CNTNAP3B: variants seen among roughly 807,000 people sequenced by gnomAD.
CNTNAP3B encodes the protein contactin associated protein family member 3B.
A neutral mutation model predicts 108.9 loss-of-function variants in CNTNAP3B; 25 were observed. That is an observed-to-expected ratio of 0.23 (90% confidence interval 0.17 to 0.32). The LOEUF (loss-of-function observed/expected upper bound fraction) is 0.32. Among genes scored for constraint, CNTNAP3B ranks in the 10% least tolerant of loss-of-function variants. CNTNAP3B has a pLI of 1.00. For missense variants in CNTNAP3B, 252 were observed against 1,210.4 expected (o/e 0.21, Z 11.75); for synonymous variants, 103 against 473.4 (o/e 0.22, Z 10.16).
At chr9:41,950,760 T>C (rs1587135985) in intron 13 of CNTNAP3B, among the ~76,000 whole-genome samples, 2 of 133,746 alleles carry the variant, frequency 1.5e-5, no homozygotes, top group South Asian at 2.3e-4. Flanking sequence ...TTTTTTTTTT[T>C]TTTTTTTTTT....
rs1055098861 is a variant in CNTNAP3B, at chr9:42,097,847, A to G, written c.196+6782T>C. Among the ~76,000 whole-genome samples, 3 of 137,762 alleles carry G rather than the reference A, an allele frequency of 2.2e-5. 1 individual carries two copies. The highest frequency in any genetic ancestry group is 4.6e-5 in the Non-Finnish European group (3 of 64,568). 90.4% of individuals were successfully genotyped at this position (137,762 alleles called of 152,430 possible). On this transcript the variant is annotated intron_variant, in intron 2 of 23. Transcript: ENST00000377561. ...ATAGCACTTTAAAGAACATTAACTG[A>G]GGACTTTGCTAAGCATTTATTTAAT... is the stretch of plus-strand genomic sequence containing the variant.
In CNTNAP3B at chr9:42,115,246, A is replaced by T. The variant is rs1461123883; in HGVS notation, c.86-10507T>A. Among the ~76,000 whole-genome samples the T allele has an allele frequency of 1.5e-5, 2 of 136,614 alleles. 1 individual carries two copies. Among genetic ancestry groups the T allele is most frequent in the African/African-American group, 5.9e-5 (2 of 34,116 alleles). The allele number at this position is 136,614 out of a possible 152,430, so 89.6% of individuals were successfully genotyped here. A position where few individuals can be genotyped will look rare whatever the true frequency, so the allele number is the denominator to read the frequency against. ...TGACAAAGCTCATAAGGCTAAGAAAATAGACAGGTCCGGATCCAAGATGGT... is the reference window on the plus strand; with the variant it reads ...TGACAAAGCTCATAAGGCTAAGAAATTAGACAGGTCCGGATCCAAGATGGT... On this transcript the variant is annotated intron_variant, in intron 1 of 23. Coordinates refer to ENST00000377561, the MANE Select transcript of CNTNAP3B (RefSeq NM_001201380.3).
At chr9:41,966,515 T>G (rs1230761647) in intron 10 of CNTNAP3B, among the ~76,000 whole-genome samples, 10 of 152,248 alleles carry the variant, frequency 6.6e-5, no homozygotes, top group Non-Finnish European at 1.5e-4. Flanking sequence ...GTCAGCAGCC[T>G]GGTCAGCACA....
In CNTNAP3B at chr9:41,995,507, G is replaced by A. The variant is rs1825878955; in HGVS notation, c.1071+698C>T. 1.5e-5 allele frequency among the ~76,000 whole-genome samples: 2 copies of A among 135,054 alleles called. 1 individual carries two copies. The highest frequency in any genetic ancestry group is 4.5e-4 in the East Asian group (2 of 4,468). 88.6% of individuals were successfully genotyped at this position (135,054 alleles called of 152,430 possible). On this transcript the variant is annotated intron_variant, in intron 7 of 23. Transcript: ENST00000377561. ...TCCTATCACTTTGGGAGGCCAAGGT[G>A]GGCAGATCACGAGGTTGGGAAATCG...
chr9:41,986,286 C>T lies in CNTNAP3B; in HGVS notation c.1359G>A (p.Trp453Ter), dbSNP rs750774475. 7 of 1,095,512 alleles carry T rather than the reference C, an allele frequency of 6.4e-6. 3 individuals are homozygous for T. In the African/African-American group the frequency reaches 8.3e-5, roughly 13 times the overall value. The allele number at this position is 1,095,512 out of a possible 1,614,324, so 67.9% of individuals were successfully genotyped here. A position where few individuals can be genotyped will look rare whatever the true frequency, so the allele number is the denominator to read the frequency against. The change falls in exon 9 of 24, where the codon TGG (tryptophan) becomes TGA (stop). Residue 453 changes from tryptophan to a stop codon, truncating the protein, a stop_gained. Coordinates refer to ENST00000377561, the MANE Select transcript of CNTNAP3B (RefSeq NM_001201380.3). LOFTEE classifies it high-confidence loss of function. ...ACTTGGCAGAGAAGGATACAGAGTG[C>T]CACTGCCCATCGTTTAATCCAGCAC... Reference protein sequence around the residue: ...TAGAGLNDGQWHSVSFSAKWS... With the variant: ...TAGAGLNDGQ
At chr9:41,995,755 G>GC (rs1469101266) in intron 7 of CNTNAP3B, among the ~76,000 whole-genome samples, 5 of 129,834 alleles carry the variant, frequency 3.9e-5, no homozygotes, top group South Asian at 2.5e-4. Context: ...AAAAAAATTG[G>GC]CCAGGCCCGG....
At position 41,953,120 on chromosome 9, in the gene CNTNAP3B, T is replaced by G. The variant is rs1317832069; in HGVS notation, c.2080+63A>C. The G allele has an allele frequency of 2.8e-6, 4 of 1,439,708 alleles. No homozygotes were observed. In the African/African-American group the frequency reaches 4.5e-5, roughly 16 times the overall value. 89.2% of individuals were successfully genotyped at this position (1,439,708 alleles called of 1,614,324 possible). ...TGGCCTTTTCTCCCTCAAAGGCATCTCGCAGCCCGAGGGCCGCGCCCCGGC... is the reference window on the plus strand; with the variant it reads ...TGGCCTTTTCTCCCTCAAAGGCATCGCGCAGCCCGAGGGCCGCGCCCCGGC... On this transcript the variant is annotated intron_variant, in intron 13 of 23. Transcript: ENST00000377561.
intron 3 of CNTNAP3B, among the ~76,000 whole-genome samples, chr9:42,036,123 T>C (rs569047292): frequency 7.3e-4 from 110 of 149,902 alleles, no homozygotes; most frequent in Non-Finnish European, 9.9e-4. Context: ...ACAAAACAAA[T>C]GAAAACTCCT....
chr9:41,997,399 T>A (rs1265788213), intron 6 of CNTNAP3B, among the ~76,000 whole-genome samples, 169 bp downstream of exon 6: 1 of 152,190 alleles, frequency 6.6e-6, no homozygotes, highest in Non-Finnish European at 1.5e-5. Flanking sequence ...AGATGATCTA[T>A]TATAATAAAC....
chr9:42,044,279 T>C (rs1185172070), intron 3 of CNTNAP3B, among the ~76,000 whole-genome samples: 2 of 151,446 alleles, frequency 1.3e-5, no homozygotes, highest in Non-Finnish European at 2.9e-5. Context: ...TGTGTATGTA[T>C]AAGAAAAAAA....
chr9:41,951,864 G>A (rs1368918517), intron 13 of CNTNAP3B, among the ~76,000 whole-genome samples: 3 of 152,232 alleles, frequency 2.0e-5, no homozygotes, highest in Non-Finnish European at 2.9e-5. Context: ...ATCACCTGAG[G>A]TCAGGAGTTC....
intron 1 of CNTNAP3B, among the ~76,000 whole-genome samples, chr9:42,116,007 G>A (rs1828307595): frequency 7.2e-6 from 1 of 138,810 alleles, no homozygotes; most frequent in South Asian, 2.3e-4. Context: ...AGAATAAACA[G>A]CGTAGAGAAG....
At position 42,034,182 on chromosome 9, in the gene CNTNAP3B, ATATG is replaced by A. The variant is rs1433575393; in HGVS notation, c.391-20661_391-20658del. 8.1e-5 allele frequency among the ~76,000 whole-genome samples: 5 copies of A among 61,950 alleles called. 1 individual carries two copies. The highest frequency in any genetic ancestry group is 3.2e-4 in the Admixed American group (2 of 6,190). 40.6% of individuals were successfully genotyped at this position (61,950 alleles called of 152,430 possible). ...TATTTATCTATATGTATGTATGTAT[ATATG>A]TATCTATCTATCTATCTATCTATCT... On this transcript the variant is annotated intron_variant, in intron 3 of 23. Transcript: ENST00000377561.
At position 42,087,419 on chromosome 9, in the gene CNTNAP3B, C is replaced by T; in HGVS notation, c.197-10357G>A. On this transcript the variant is annotated intron_variant, in intron 2 of 23. Transcript: ENST00000377561. ...AGAGGTGAGGTTACATTTTCTTCCA[C>T]ACAAAGAGCCTTCTCACTTACTACT... Among the ~76,000 whole-genome samples, 4 of 123,628 alleles carry T rather than the reference C, an allele frequency of 3.2e-5. 1 individual carries two copies. In the Admixed American group the frequency reaches 3.3e-4, roughly 10 times the overall value. 81.1% of individuals were successfully genotyped at this position (123,628 alleles called of 152,430 possible). A position where few individuals can be genotyped will look rare whatever the true frequency, so the allele number is the denominator to read the frequency against.
intron 3 of CNTNAP3B, among the ~76,000 whole-genome samples, chr9:42,043,172 C>CCT (rs199989074): frequency 3.4e-4 from 28 of 82,532 alleles, no homozygotes; most frequent in African/African-American, 1.2e-3. Context: ...TTCTTTTATT[C>CCT]TTTTTTTTTT....
chr9:42,035,431 CCTAA>C (rs1826603829), intron 3 of CNTNAP3B, among the ~76,000 whole-genome samples: 1 of 145,952 alleles, frequency 6.9e-6, no homozygotes, highest in Non-Finnish European at 1.5e-5. Flanking sequence ...ACCTCAGGTT[CCTAA>C]CTATTTTAAG....
At chr9:41,932,061 G>T (rs2118015621) in intron 14 of CNTNAP3B, among the ~76,000 whole-genome samples, 1 of 151,926 alleles carries the variant, frequency 6.6e-6, no homozygotes, top group African/African-American at 2.4e-5. Context: ...TTTTTCACCA[G>T]TTTCTTATTG....
chr9:41,958,736 A>G, intron 12 of CNTNAP3B, among the ~76,000 whole-genome samples: 1 of 152,094 alleles, frequency 6.6e-6, no homozygotes, highest in South Asian at 2.1e-4. Flanking sequence ...AAAAGAAAAC[A>G]AAACACCAGT....
chr9:42,121,732 A>T (rs1828467519), intron 1 of CNTNAP3B, among the ~76,000 whole-genome samples: 1 of 140,076 alleles, frequency 7.1e-6, no homozygotes, highest in East Asian at 2.2e-4. Flanking sequence ...ATGTTTGCTT[A>T]TCTATAGGTA....
Sources: gnomAD v4.1 joint callset for allele counts (sites outside exome capture counted in the v4.1 genomes callset) on GRCh38, gnomAD v4.1.1 for gene constraint, MANE v1.5 for transcripts, NCBI Gene and HGNC (gene_info 2026-07-23, HGNC 2026-07-21) for gene names.